The following DYSF variants were observed in gnomAD, a reference collection of about 807,000 sequenced individuals.
DYSF encodes dysferlin.
Under a neutral mutation model 274.9 loss-of-function variants are expected in DYSF, and 212 were observed. That is an observed-to-expected ratio of 0.77 (90% confidence interval 0.69 to 0.86). The LOEUF (loss-of-function observed/expected upper bound fraction) is 0.86. Ranked by LOEUF, DYSF falls within the 40% of genes least tolerant of loss-of-function variation. The pLI is 0.00. For missense variants in DYSF, 2,666 were observed against 2,783.2 expected, an observed-to-expected ratio of 0.96 and a Z score of 0.95; for synonymous variants, 1,091 against 1,078.7, an observed-to-expected ratio of 1.01 and a Z score of -0.22.
chr2:71,570,712 G>T lies in DYSF; in HGVS notation c.3199G>T (p.Asp1067Tyr). 4 of 1,613,998 alleles carry T rather than the reference G, an allele frequency of 2.5e-6. No homozygotes were observed. Among genetic ancestry groups the T allele is most frequent in the Non-Finnish European group, 3.4e-6 (4 of 1,179,944 alleles). ...GCGCTGGGTGCGCCTGCGCAGGAGG[G>T]ATCTCAGCCAAATGGAAGCACTGAA... ...RRRWVRLRRR[D>Y]LSQMEALKRH... is the part of the protein sequence containing the mutation. The change falls in exon 29 of 56, where the codon GAT becomes TAT. Residue 1067 changes from aspartate to tyrosine, a missense_variant. Coordinates refer to ENST00000410020, the MANE Select transcript of DYSF (RefSeq NM_001130987.2).
chr2:71,553,845 C>A lies in DYSF; in HGVS notation c.2023C>A (p.Pro675Thr). The A allele has an allele frequency of 6.7e-7, 1 of 1,488,986 alleles. No individual in the cohort carries two copies. The highest frequency in any genetic ancestry group is 9.1e-7 in the Non-Finnish European group (1 of 1,101,832). 92.2% of individuals were successfully genotyped at this position (1,488,986 alleles called of 1,614,324 possible). A position where few individuals can be genotyped will look rare whatever the true frequency, so the allele number is the denominator to read the frequency against. The change falls in exon 21 of 56, where the codon CCT becomes ACT. Residue 675 changes from proline to threonine, a missense_variant. Physicochemically the swap from Pro to Thr is conservative, Grantham distance 38. Transcript: ENST00000410020. ...CTACCTACCCTGGGGTAACGTGAAACCTGTGGTGGTGCTGTCATCCTACTG... is the reference window on the plus strand; with the variant it reads ...CTACCTACCCTGGGGTAACGTGAAAACTGTGGTGGTGCTGTCATCCTACTG... ...YYYLPWGNVK[P>T]VVVLSSYWED...
In DYSF at chr2:71,553,119, G is replaced by A. The variant is rs886043900; in HGVS notation, c.1915G>A (p.Gly639Arg). ...IQFEVSIGNY[G>R]NKFDMTCLPL... is the part of the protein sequence containing the mutation. The stretch of plus-strand genomic sequence containing the variant: ...GTTTGAGGTCAGCATCGGGAACTAC[G>A]GGAACAAGTTCGACATGACCTGCCT... The change falls in exon 20 of 56, where the codon GGG (glycine) becomes AGG (arginine). Residue 639 changes from glycine to arginine, a missense_variant. Physicochemically the swap from Gly to Arg is moderately radical, Grantham distance 125. Transcript: ENST00000410020. 4.3e-6 allele frequency: 7 copies of A among 1,614,140 alleles called. No homozygotes were observed. Among genetic ancestry groups the A allele is most frequent in the Admixed American group, 1.7e-5 (1 of 60,020 alleles).
Position 71,516,177 on chromosome 2 carries a change from C to A in DYSF, c.889-3C>A. Reference sequence around the variant, plus strand: ...TATGTCTCTCTTTGCTCTGAACCAACAGACTCTTTTCTTCAACTTGTTTGA... The same window carrying A: ...TATGTCTCTCTTTGCTCTGAACCAAAAGACTCTTTTCTTCAACTTGTTTGA... On this transcript the variant is annotated splice_polypyrimidine_tract_variant and splice_region_variant and intron_variant, in intron 8 of 55. Coordinates refer to ENST00000410020, the MANE Select transcript of DYSF (RefSeq NM_001130987.2). 1 of 1,614,206 alleles carries A rather than the reference C, an allele frequency of 6.2e-7. No homozygotes were observed. The highest frequency in any genetic ancestry group is 8.5e-7 in the Non-Finnish European group (1 of 1,180,012).
intron 44 of DYSF, among the ~76,000 whole-genome samples, 186 bp from the exon 45 acceptor site, chr2:71,660,374 G>T (rs2094856032): frequency 1.3e-5 from 2 of 152,208 alleles, no homozygotes. Flanking sequence ...AAGACCAGAA[G>T]CCCATGTCAG....
chr2:71,500,899 C>G (rs1029091663), intron 3 of DYSF, among the ~76,000 whole-genome samples: 1 of 152,044 alleles, frequency 6.6e-6, no homozygotes, highest in East Asian at 1.9e-4. Context: ...AAGTCACTCC[C>G]CTCTGCCACC....
chr2:71,639,202 G>A (rs1444753468), intron 41 of DYSF, among the ~76,000 whole-genome samples: 2 of 152,070 alleles, frequency 1.3e-5, no homozygotes, highest in Non-Finnish European at 2.9e-5. Context: ...TGAGTTGTGA[G>A]TTCTCTATAT....
intron 24 of DYSF, among the ~76,000 whole-genome samples, chr2:71,566,353 C>CAAAAA (rs773800974): frequency 1.5e-3 from 73 of 49,430 alleles, no homozygotes; most frequent in Non-Finnish European, 1.8e-3. Flanking sequence ...TGGTTTCAAG[C>CAAAAA]AAAAAAAAAA....
At chr2:71,526,418 T>TGGGGGGGGGGGGTGTG in intron 13 of DYSF, 72 bp downstream of exon 13, 2 of 261,504 alleles carry the variant, frequency 7.6e-6, no homozygotes, top group Middle Eastern at 1.2e-3. Flanking sequence ...GGGTGGGCGA[T>TGGGGGGGGGGGGTGTG]GGCGGGCGGG....
chr2:71,601,611 G>C (rs1164399551), intron 35 of DYSF, 83 bp downstream of exon 35: 19 of 1,583,916 alleles, frequency 1.2e-5, no homozygotes, highest in Non-Finnish European at 1.6e-5. Flanking sequence ...AGGAAGGGTG[G>C]CCAGGCATTA....
intron 30 of DYSF, among the ~76,000 whole-genome samples, chr2:71,589,313 C>T (rs2152842034): frequency 6.6e-6 from 1 of 152,328 alleles, no homozygotes; most frequent in Middle Eastern, 3.4e-3. Context: ...GTCATTCCTT[C>T]TAATCTCTTT....
intron 17 of DYSF, among the ~76,000 whole-genome samples, chr2:71,542,142 G>A (rs1046094770): frequency 8.5e-5 from 13 of 152,126 alleles, no homozygotes; most frequent in Non-Finnish European, 1.6e-4. Context: ...CGTAAAATGG[G>A]GCTCTTACAA....
intron 36 of DYSF, among the ~76,000 whole-genome samples, chr2:71,604,486 T>G (rs546171603): frequency 3.9e-5 from 6 of 152,184 alleles, no homozygotes; most frequent in African/African-American, 1.2e-4. Flanking sequence ...GCTGGGAGCC[T>G]CCTCCTGAGC....
intron 55 of DYSF, 29 bp downstream of exon 55, chr2:71,682,706 G>A: frequency 6.2e-7 from 1 of 1,605,490 alleles, no homozygotes; most frequent in Non-Finnish European, 8.5e-7. Context: ...ACTGTGGTGG[G>A]GGAACTCTGG....
chr2:71,494,118 A>G (rs1241019607), intron 3 of DYSF, among the ~76,000 whole-genome samples: 1 of 152,156 alleles, frequency 6.6e-6, no homozygotes, highest in African/African-American at 2.4e-5. Flanking sequence ...TCAGGCATAC[A>G]AGCATGAGAA....
chr2:71,490,418 C>G (rs537754940), intron 3 of DYSF, among the ~76,000 whole-genome samples: 1 of 152,210 alleles, frequency 6.6e-6, no homozygotes, highest in Non-Finnish European at 1.5e-5. Context: ...CAGCTCACTG[C>G]AACCTCCGCC....
At chr2:71,554,939 G>A (rs2091235921) in intron 21 of DYSF, among the ~76,000 whole-genome samples, 1 of 152,146 alleles carries the variant, frequency 6.6e-6, no homozygotes, top group Non-Finnish European at 1.5e-5. Context: ...TGGCATGGAT[G>A]GGGACAGCTG....
At chr2:71,527,187 G>T (rs2088028863) in intron 13 of DYSF, among the ~76,000 whole-genome samples, 1 of 152,142 alleles carries the variant, frequency 6.6e-6, no homozygotes, top group Non-Finnish European at 1.5e-5. Context: ...GGGTTTAAAG[G>T]CTCCCCAGGT....
chr2:71,456,791 A>T (rs1046959812), intron 1 of DYSF, among the ~76,000 whole-genome samples: 2 of 152,030 alleles, frequency 1.3e-5, no homozygotes, highest in Non-Finnish European at 2.9e-5. Context: ...CCAACCCCTC[A>T]TCAGTGCCCT....
intron 30 of DYSF, among the ~76,000 whole-genome samples, chr2:71,575,076 G>A (rs1376892400): frequency 6.6e-6 from 1 of 152,148 alleles, no homozygotes; most frequent in African/African-American, 2.4e-5. Context: ...TTGGGCTGGG[G>A]CCCTAGGGAG....
Sources: allele counts gnomAD v4.1 joint callset (sites outside exome capture counted in the v4.1 genomes callset), GRCh38; gene constraint gnomAD v4.1.1; transcripts MANE v1.5; gene names NCBI Gene and HGNC (gene_info 2026-07-23, HGNC 2026-07-21).